The following ZC3H12B variants were observed in gnomAD, a reference collection of about 807,000 sequenced individuals.
ZC3H12B encodes the protein zinc finger CCCH-type containing 12B.
In ZC3H12B, 7 loss-of-function variants were observed where a neutral mutation model predicts 43.9. The ratio of observed to expected loss-of-function variants is 0.16; its 90% CI spans 0.09 to 0.30. The LOEUF (loss-of-function observed/expected upper bound fraction) is 0.30. Among genes scored for constraint, ZC3H12B ranks in the 10% least tolerant of loss-of-function variants. The pLI is 1.00. For synonymous variants in ZC3H12B, 222 were observed against 241.7 expected (o/e 0.92, Z 0.76); for missense variants, 475 against 670.2 (o/e 0.71, Z 3.22).
chrX:65,412,560 G>A (rs1054614096), intron 3 of ZC3H12B, among the ~76,000 whole-genome samples: 12 of 111,200 alleles, frequency 1.1e-4, no homozygotes, highest in South Asian at 3.8e-4. Flanking sequence ...CTTGACCTCC[G>A]GGGCTCAATT....
At chrX:65,248,439 T>C in the ZC3H12B span, among the ~76,000 whole-genome samples, 1 of 111,869 alleles carries the variant, frequency 8.9e-6, no homozygotes, top group Non-Finnish European at 1.9e-5. Flanking sequence ...AGAACTGATG[T>C]ATTACTCAAT....
chrX:65,342,474 C>T, the ZC3H12B span, among the ~76,000 whole-genome samples: 2 of 112,036 alleles, frequency 1.8e-5, no homozygotes, highest in Non-Finnish European at 3.8e-5. Flanking sequence ...TGGAACACAG[C>T]ACAATATAAT....
intron 2 of ZC3H12B, among the ~76,000 whole-genome samples, chrX:65,370,711 G>A (rs2066233041): frequency 8.9e-6 from 1 of 111,901 alleles, no homozygotes; most frequent in African/African-American, 3.2e-5. Context: ...GGTAAAATGT[G>A]TGAAAGAATT....
At chrX:65,174,504 C>T in the ZC3H12B span, among the ~76,000 whole-genome samples, 89 of 111,666 alleles carry the variant, frequency 8.0e-4, no homozygotes, top group African/African-American at 2.8e-3. Flanking sequence ...GGTGCTCTGT[C>T]CCAGGGAGAT....
the ZC3H12B span, among the ~76,000 whole-genome samples, chrX:65,039,466 A>T: frequency 8.9e-6 from 1 of 112,024 alleles, no homozygotes; most frequent in East Asian, 2.8e-4. Flanking sequence ...GCCATTGTAC[A>T]GTATTATTAT....
intron 3 of ZC3H12B, among the ~76,000 whole-genome samples, chrX:65,470,841 G>T (rs948643976): frequency 8.0e-5 from 9 of 111,941 alleles, no homozygotes; most frequent in African/African-American, 2.9e-4. Flanking sequence ...ATAGTTTTGA[G>T]GATTCCTTTT....
At chrX:65,097,199 G>T in the ZC3H12B span, among the ~76,000 whole-genome samples, 19 of 111,504 alleles carry the variant, frequency 1.7e-4, no homozygotes, top group Non-Finnish European at 3.2e-4. Context: ...CTAACTTTGG[G>T]GCATCTTGAA....
At chrX:65,056,298 C>G in the ZC3H12B span, among the ~76,000 whole-genome samples, 2 of 111,167 alleles carry the variant, frequency 1.8e-5, no homozygotes, top group East Asian at 2.8e-4. Context: ...TGTCTTTGTT[C>G]TCGTTGGTTT....
intron 3 of ZC3H12B, among the ~76,000 whole-genome samples, chrX:65,421,698 A>G (rs905796874): frequency 2.7e-5 from 3 of 112,103 alleles, no homozygotes; most frequent in African/African-American, 9.7e-5. Context: ...GCGGTGGCTC[A>G]CGCCTGTAAT....
At chrX:65,215,153 T>G in the ZC3H12B span, among the ~76,000 whole-genome samples, 1 of 112,164 alleles carries the variant, frequency 8.9e-6, no homozygotes, top group Non-Finnish European at 1.9e-5. Context: ...TTTGGCATAA[T>G]TCTTAATGGC....
chrX:65,081,265 T>A, the ZC3H12B span, among the ~76,000 whole-genome samples: 2 of 111,070 alleles, frequency 1.8e-5, no homozygotes, highest in African/African-American at 6.5e-5. Flanking sequence ...CAAACTGACA[T>A]GAGTAAGTTC....
the ZC3H12B span, among the ~76,000 whole-genome samples, chrX:65,114,978 G>A: frequency 5.1e-4 from 20 of 38,999 alleles, no homozygotes; most frequent in African/African-American, 1.4e-3. Context: ...TATTTTTTAC[G>A]TTAAAAAGTT....
At chrX:65,346,553 A>G in the ZC3H12B span, among the ~76,000 whole-genome samples, 1 of 112,536 alleles carries the variant, frequency 8.9e-6, no homozygotes, top group Non-Finnish European at 1.9e-5. Context: ...ATCATTTTTT[A>G]CATTCTGTAC....
chrX:65,184,565 C>A, the ZC3H12B span, among the ~76,000 whole-genome samples: 2 of 111,614 alleles, frequency 1.8e-5, no homozygotes, highest in Non-Finnish European at 3.8e-5. Flanking sequence ...ATACTAGGAC[C>A]TTTTAAACAG....
chrX:65,476,330 A>T (rs1303403114), intron 3 of ZC3H12B, among the ~76,000 whole-genome samples: 1 of 111,668 alleles, frequency 9.0e-6, no homozygotes, highest in Non-Finnish European at 1.9e-5. Context: ...TAACTGGATA[A>T]TTTCAATTAT....
chrX:65,410,132 G>A (rs751805052), intron 3 of ZC3H12B, among the ~76,000 whole-genome samples: 2 of 107,596 alleles, frequency 1.9e-5, no homozygotes, highest in East Asian at 2.9e-4. Context: ...AAAAACAATG[G>A]GACATAATAG....
the ZC3H12B span, among the ~76,000 whole-genome samples, chrX:65,230,068 A>G: frequency 9.0e-6 from 1 of 111,287 alleles, no homozygotes; most frequent in Admixed American, 9.5e-5. Context: ...TCTTGCTGCT[A>G]TAAAGACACA....
chrX:65,490,377 A>G (rs2068187231), intron 1 of ZC3H12B, among the ~76,000 whole-genome samples: 1 of 92,437 alleles, frequency 1.1e-5, no homozygotes, highest in African/African-American at 4.9e-5. Context: ...GGACTGTTTC[A>G]GGAAAAAAAA....
chrX:65,453,020 C>T (rs751790828), intron 3 of ZC3H12B, among the ~76,000 whole-genome samples: 2 of 109,835 alleles, frequency 1.8e-5, no homozygotes, highest in Non-Finnish European at 1.9e-5. Flanking sequence ...CAGATGGAAC[C>T]GAAAAAGAGC....
Sources: allele counts gnomAD v4.1 joint callset (sites outside exome capture counted in the v4.1 genomes callset), GRCh38; gene constraint gnomAD v4.1.1; transcripts MANE v1.5; gene names NCBI Gene and HGNC (gene_info 2026-07-23, HGNC 2026-07-21).